Variants in GMEB2 observed in about 807,000 individuals in gnomAD.
GMEB2 encodes glucocorticoid modulatory element binding protein 2.
Under a neutral mutation model 45.7 loss-of-function variants are expected in GMEB2, and 7 were observed. That is an observed-to-expected ratio of 0.15 (90% CI 0.09 to 0.29). The LOEUF is 0.29. Ranked by LOEUF, GMEB2 falls within the 10% of genes least tolerant of loss-of-function variation. The probability of loss-of-function intolerance (pLI) is 1.00; values close to 1 mark genes in which losing one functional copy is unlikely to be tolerated. For synonymous variants in GMEB2, 322 were observed against 323.6 expected (o/e 1.00, Z 0.05); for missense variants, 582 against 739.2 (o/e 0.79, Z 2.47).
chr20:63,608,872 A>ACC (rs1569055390), intron 2 of GMEB2, among the ~76,000 whole-genome samples: 10 of 19,116 alleles, frequency 5.2e-4, no homozygotes, highest in Admixed American at 1.2e-3. Context: ...CTGACCCCAC[A>ACC]TCCATTTCTA....
At chr20:63,603,241 C>T in intron 3 of GMEB2, 149 bp from the exon 4 acceptor site, 4 of 742,918 alleles carry the variant, frequency 5.4e-6, no homozygotes, top group Non-Finnish European at 8.9e-6. Flanking sequence ...CCAAGGTGGG[C>T]AGGGCATGCC....
In GMEB2 at chr20:63,590,426, G is replaced by A. The variant is rs749311215; in HGVS notation, c.1256C>T (p.Pro419Leu). 8.4e-6 allele frequency: 13 copies of A among 1,554,898 alleles called. No individual in the cohort carries two copies. The Admixed American group carries it at 2.5e-4, about 30-fold the overall frequency. ...CAGCGGGGAGGCCGGGGAGCTGGCG[G>A]GGGGCGCCTGAAGGGAACCCTTGCC... ...VLGKGSLQAP[P>L]ASSPASPLLG... The change falls in exon 10 of 10, where the codon CCC becomes CTC. Residue 419 changes from proline (P) to leucine (L), a missense_variant. By Grantham distance (98) the Pro-to-Leu change is moderately conservative. This residue lies in a region of GMEB2 where 462 missense variants were observed against 586.7 expected (regional missense o/e 0.79). Coordinates refer to ENST00000370077, the MANE Select transcript of GMEB2 (RefSeq NM_012384.5).
intron 2 of GMEB2, among the ~76,000 whole-genome samples, chr20:63,614,441 C>T (rs566811321): frequency 2.6e-5 from 4 of 152,326 alleles, no homozygotes; most frequent in Admixed American, 6.5e-5. Flanking sequence ...GGAAGACGCC[C>T]GTTGCCAAGT....
At position 63,590,544 on chromosome 20, in the gene GMEB2, C is replaced by A; in HGVS notation, c.1138G>T (p.Ala380Ser). 6.5e-7 allele frequency: 1 copy of A among 1,537,402 alleles called. No individual in the cohort carries two copies. The highest frequency in any genetic ancestry group is 8.8e-7 in the Non-Finnish European group (1 of 1,139,602). The change falls in exon 10 of 10, where the codon GCC (alanine) becomes TCC (serine). Residue 380 changes from alanine (A) to serine (S), a missense_variant. By Grantham distance (99) the Ala-to-Ser change is moderately conservative. Transcript: ENST00000370077. ...ACGCCCGGGCCAAGCGCCAGCTGGG[C>A]AGACTGGGTGAGCACCTGCGAGGCC... ...AMASQVLTQS[A>S]QLALGPGVPV...
At position 63,626,975 on chromosome 20, in the gene GMEB2, G is replaced by C. The variant is rs1035614548; in HGVS notation, c.-77C>G. The C allele has an allele frequency of 4.1e-4, 61 of 148,358 alleles. No homozygotes were observed. In the East Asian group the frequency reaches 0.012, roughly 28 times the overall value. 9.2% of individuals were successfully genotyped at this position (148,358 alleles called of 1,614,324 possible). A position where few individuals can be genotyped will look rare whatever the true frequency, so the allele number is the denominator to read the frequency against. On this transcript the variant is annotated 5_prime_UTR_variant, in exon 1 of 10. Transcript: ENST00000370077. ...GCTTACCTGGGGCCGCGCCGGGCCT[G>C]CTTAGGCACCCGGCGGGGGCGGCGG...
At chr20:63,616,638 C>G (rs1018463938) in intron 2 of GMEB2, among the ~76,000 whole-genome samples, 1 of 152,190 alleles carries the variant, frequency 6.6e-6, no homozygotes, top group Non-Finnish European at 1.5e-5. Context: ...TCAGTTTATA[C>G]CCCAAATCCG....
intron 2 of GMEB2, among the ~76,000 whole-genome samples, chr20:63,609,315 A>C (rs2089548331): frequency 1.6e-5 from 1 of 62,832 alleles, no homozygotes. Flanking sequence ...CCTCTGACTC[A>C]CCTCCATTTC....
At chr20:63,622,049 A>T (rs1330509819) in intron 1 of GMEB2, among the ~76,000 whole-genome samples, 1 of 152,166 alleles carries the variant, frequency 6.6e-6, no homozygotes, top group East Asian at 1.9e-4. Context: ...GGATCACTTA[A>T]GCCCAGGAGG....
rs2083117381 is a variant in GMEB2 at position 63,588,825 on chromosome 20, C to G, written c.*1264G>C. The G allele has an allele frequency of 2.5e-6, 1 of 398,728 alleles. No homozygotes were observed. Among genetic ancestry groups the G allele is most frequent in the Non-Finnish European group, 4.4e-6 (1 of 226,136 alleles). The allele number at this position is 398,728 out of a possible 1,614,324, so 24.7% of individuals were successfully genotyped here. A position where few individuals can be genotyped will look rare whatever the true frequency, so the allele number is the denominator to read the frequency against. On this transcript the variant is annotated 3_prime_UTR_variant, in exon 10 of 10. Coordinates refer to ENST00000370077, the MANE Select transcript of GMEB2 (RefSeq NM_012384.5). ...GACGGCAGGAGGCCTGGGCTGGCTGCTCCCTGAGATGCCTGCCCCAGGACC... is the reference window on the plus strand; with the variant it reads ...GACGGCAGGAGGCCTGGGCTGGCTGGTCCCTGAGATGCCTGCCCCAGGACC...
chr20:63,600,304 C>G (rs925907741), intron 4 of GMEB2, among the ~76,000 whole-genome samples: 3 of 151,914 alleles, frequency 2.0e-5, no homozygotes, highest in African/African-American at 7.2e-5. Context: ...CTCGGCCTCC[C>G]AAAGTGCTGG....
At chr20:63,605,693 G>A (rs2089513429) in intron 2 of GMEB2, among the ~76,000 whole-genome samples, 1 of 151,908 alleles carries the variant, frequency 6.6e-6, no homozygotes, top group African/African-American at 2.4e-5. Flanking sequence ...AGTGGCTCAC[G>A]CCTGTAATCC....
intron 4 of GMEB2, among the ~76,000 whole-genome samples, chr20:63,601,967 C>T (rs1329019607): frequency 1.4e-5 from 2 of 145,162 alleles, no homozygotes; most frequent in Admixed American, 1.4e-4. Context: ...GGCTTCTGTG[C>T]TGCCTGTGGC....
intron 1 of GMEB2, among the ~76,000 whole-genome samples, chr20:63,624,110 A>C (rs1050181044): frequency 6.7e-6 from 1 of 149,644 alleles, no homozygotes; most frequent in African/African-American, 2.5e-5. Context: ...ACCCTGTCTC[A>C]GAAAAAAAAA....
chr20:63,588,647 G>A lies in GMEB2; in HGVS notation c.*1442C>T, dbSNP rs546911391. On this transcript the variant is annotated 3_prime_UTR_variant, in exon 10 of 10. Coordinates refer to ENST00000370077, the MANE Select transcript of GMEB2 (RefSeq NM_012384.5). The stretch of plus-strand genomic sequence containing the variant: ...GTGGGGTCTGGGCCGCTCACTGGAC[G>A]GACAGCCAGCCAGTTCCCTTCGGAG... 4.3e-5 allele frequency: 17 copies of A among 397,816 alleles called. No homozygotes were observed. The highest frequency in any genetic ancestry group is 8.8e-5 in the Admixed American group (2 of 22,720). 24.6% of individuals were successfully genotyped at this position (397,816 alleles called of 1,614,324 possible).
intron 4 of GMEB2, among the ~76,000 whole-genome samples, chr20:63,598,941 C>T (rs1004154708): frequency 3.3e-5 from 5 of 152,208 alleles, no homozygotes; most frequent in African/African-American, 1.2e-4. Flanking sequence ...CAGCCAGCCT[C>T]ACCTCCCTGC....
chr20:63,613,395 G>C (rs1409946966), intron 2 of GMEB2, among the ~76,000 whole-genome samples: 1 of 152,244 alleles, frequency 6.6e-6, no homozygotes, highest in Admixed American at 6.5e-5. Context: ...CCGTGCGCCT[G>C]TGTCTGCCAC....
At chr20:63,591,636 G>T (rs1427457190) in intron 9 of GMEB2, among the ~76,000 whole-genome samples, 1 of 152,036 alleles carries the variant, frequency 6.6e-6, no homozygotes, top group Non-Finnish European at 1.5e-5. Flanking sequence ...GTTTTGTTTT[G>T]TTTTTTTCAG....
chr20:63,591,154 C>A (rs1365272104), intron 9 of GMEB2, among the ~76,000 whole-genome samples: 1 of 152,176 alleles, frequency 6.6e-6, no homozygotes, highest in Non-Finnish European at 1.5e-5. Flanking sequence ...ACATGTGGCA[C>A]ATGTGTTTAA....
intron 1 of GMEB2, among the ~76,000 whole-genome samples, chr20:63,626,295 G>C (rs2089671693): frequency 6.6e-6 from 1 of 150,792 alleles, no homozygotes; most frequent in Admixed American, 6.6e-5. Flanking sequence ...TCGGGTGCCT[G>C]CGGGGTGGTC....
Sources: gnomAD v4.1 joint callset for allele counts (sites outside exome capture counted in the v4.1 genomes callset) on GRCh38, gnomAD v4.1.1 for gene constraint, gnomAD v4.1.1 regional missense constraint, MANE v1.5 for transcripts, NCBI Gene and HGNC (gene_info 2026-07-23, HGNC 2026-07-21) for gene names.